The following HS6ST3 variants were observed in gnomAD, a reference collection of about 807,000 sequenced individuals.
The protein encoded by HS6ST3 is heparan sulfate 6-O-sulfotransferase 3.
HS6ST3 carries 12 observed loss-of-function variants against 36.7 expected under a neutral mutation model. The ratio of observed to expected loss-of-function variants is 0.33; its 90% CI spans 0.21 to 0.53. HS6ST3 has a LOEUF of 0.53. HS6ST3 is among the 20% of genes least tolerant of loss of function. HS6ST3 has a pLI of 0.95. For missense variants in HS6ST3, 584 were observed against 640.9 expected (o/e 0.91, Z 0.96); for synonymous variants, 240 against 257.5 (o/e 0.93, Z 0.65).
chr13:96,227,265 G>T (rs1410475092), intron 1 of HS6ST3, among the ~76,000 whole-genome samples: 4 of 152,100 alleles, frequency 2.6e-5, no homozygotes. Context: ...AGCACTTGTT[G>T]AGAGCCATGC....
intron 1 of HS6ST3, among the ~76,000 whole-genome samples, chr13:96,475,646 T>C (rs901628785): frequency 6.7e-6 from 1 of 149,654 alleles, no homozygotes; most frequent in African/African-American, 2.5e-5. Flanking sequence ...GAAAGAAAAT[T>C]GTCCTAAATT....
intron 1 of HS6ST3, among the ~76,000 whole-genome samples, chr13:96,757,658 C>T (rs969578426): frequency 3.9e-5 from 6 of 151,926 alleles, no homozygotes; most frequent in Non-Finnish European, 7.4e-5. Context: ...ATTGTAAGTT[C>T]GCTGAGAGTT....
chr13:96,184,415 G>A (rs9525141), intron 1 of HS6ST3, among the ~76,000 whole-genome samples: 144,309 of 152,204 alleles, frequency 0.95, 68,512 homozygotes, highest in African/African-American at 0.97. Context: ...CGAATGTAAA[G>A]TTTGCATCCT....
rs532577914 is a variant in HS6ST3, at chr13:96,242,983, C to T, written c.707+151414C>T. ...TAAAGAAAATGTGGTATACACATACCATGTATGTAATTTTAATTTTTCTTA... is the reference window on the plus strand; with the variant it reads ...TAAAGAAAATGTGGTATACACATACTATGTATGTAATTTTAATTTTTCTTA... On this transcript the variant is annotated intron_variant, in intron 1 of 1. Transcript: ENST00000376705. Among the ~76,000 whole-genome samples the T allele has an allele frequency of 2.0e-5, 3 of 152,196 alleles. No individual in the cohort carries two copies. The South Asian group carries it at 6.2e-4, about 32-fold the overall frequency.
At chr13:96,308,252 G>A (rs1352129254) in intron 1 of HS6ST3, among the ~76,000 whole-genome samples, 1 of 152,036 alleles carries the variant, frequency 6.6e-6, no homozygotes, top group African/African-American at 2.4e-5. Context: ...CTGCTTCACT[G>A]AAAGCATTTG....
chr13:96,470,354 C>T (rs2055834657), intron 1 of HS6ST3, among the ~76,000 whole-genome samples: 1 of 152,174 alleles, frequency 6.6e-6, no homozygotes, highest in African/African-American at 2.4e-5. Flanking sequence ...TCCTCTCAAA[C>T]AGTTGGTTTA....
intron 1 of HS6ST3, among the ~76,000 whole-genome samples, chr13:96,729,761 C>T (rs1337607851): frequency 2.6e-5 from 4 of 152,154 alleles, no homozygotes; most frequent in Non-Finnish European, 4.4e-5. Context: ...CAACCACGCC[C>T]GGCCCCAATA....
chr13:96,352,503 C>T (rs77026955), intron 1 of HS6ST3, among the ~76,000 whole-genome samples: 2,789 of 152,276 alleles, frequency 0.018, 47 homozygotes, highest in Non-Finnish European at 0.028. Flanking sequence ...CCAAGGGACA[C>T]GGCGCAGTGG....
At chr13:96,349,312 T>G (rs1179382719) in intron 1 of HS6ST3, among the ~76,000 whole-genome samples, 2 of 150,918 alleles carry the variant, frequency 1.3e-5, no homozygotes, top group Non-Finnish European at 3.0e-5. Context: ...TTCTGCAGTA[T>G]TTTTTTTTGT....
At chr13:96,772,525 A>C (rs1173322692) in intron 1 of HS6ST3, among the ~76,000 whole-genome samples, 1 of 152,206 alleles carries the variant, frequency 6.6e-6, no homozygotes, top group East Asian at 1.9e-4. Flanking sequence ...TAAATCAAAG[A>C]TCATGTTGGA....
intron 1 of HS6ST3, among the ~76,000 whole-genome samples, chr13:96,374,226 A>C (rs546257461): frequency 1.3e-5 from 2 of 152,332 alleles, no homozygotes; most frequent in African/African-American, 4.8e-5. Flanking sequence ...AAGAACTGAA[A>C]AGAGGGTTAA....
intron 1 of HS6ST3, among the ~76,000 whole-genome samples, chr13:96,137,889 G>C (rs1054538992): frequency 6.6e-6 from 1 of 152,158 alleles, no homozygotes; most frequent in African/African-American, 2.4e-5. Context: ...ATATTGTCAT[G>C]TTTTTACATC....
intron 1 of HS6ST3, among the ~76,000 whole-genome samples, chr13:96,640,068 T>TG (rs907031163): frequency 9.2e-5 from 14 of 151,566 alleles, no homozygotes; most frequent in African/African-American, 1.7e-4. Flanking sequence ...TTTTGGTGGG[T>TG]GGGGGGGTAT....
intron 1 of HS6ST3, among the ~76,000 whole-genome samples, chr13:96,092,352 A>G (rs1359885582): frequency 6.6e-6 from 1 of 152,220 alleles, no homozygotes; most frequent in African/African-American, 2.4e-5. Flanking sequence ...GGATGGAATG[A>G]CATTCTTGAT....
chr13:96,481,639 A>G lies in HS6ST3; in HGVS notation c.708-350851A>G, dbSNP rs541947377. Among the ~76,000 whole-genome samples the G allele has an allele frequency of 3.6e-4, 55 of 152,194 alleles. 1 individual carries two copies. In the South Asian group the frequency reaches 8.1e-3, roughly 22 times the overall value. On this transcript the variant is annotated intron_variant, in intron 1 of 1. Transcript: ENST00000376705. ...TCCCCAGATGCCTTCTGCAGTCAGA[A>G]AACTCATGCAGTGCCGTCCTGCCCC...
chr13:96,582,925 G>T (rs529579657), intron 1 of HS6ST3, among the ~76,000 whole-genome samples: 2 of 152,038 alleles, frequency 1.3e-5, no homozygotes, highest in African/African-American at 4.8e-5. Context: ...TCCAAATACT[G>T]CATGGGATAT....
intron 1 of HS6ST3, among the ~76,000 whole-genome samples, chr13:96,458,031 C>G (rs530769755): frequency 6.6e-6 from 1 of 151,816 alleles, no homozygotes; most frequent in African/African-American, 2.4e-5. Flanking sequence ...TTTTAGGAAC[C>G]GGGGAGGAAA....
chr13:96,104,807 C>G (rs974231769), intron 1 of HS6ST3, among the ~76,000 whole-genome samples: 1 of 152,164 alleles, frequency 6.6e-6, no homozygotes, highest in Non-Finnish European at 1.5e-5. Context: ...GGCTTCCTGA[C>G]TGACCCCTGT....
At chr13:96,404,724 G>C (rs1179581579) in intron 1 of HS6ST3, among the ~76,000 whole-genome samples, 1 of 152,204 alleles carries the variant, frequency 6.6e-6, no homozygotes, top group East Asian at 1.9e-4. Flanking sequence ...TCAGAGGACA[G>C]TGGTGAGCTG....
Sources: allele counts gnomAD v4.1 joint callset (sites outside exome capture counted in the v4.1 genomes callset), GRCh38; gene constraint gnomAD v4.1.1; transcripts MANE v1.5; gene names NCBI Gene and HGNC (gene_info 2026-07-23, HGNC 2026-07-21).